The following BMP1 variants were observed in gnomAD, a reference collection of about 807,000 sequenced individuals.
BMP1 encodes the protein mammalian tolloid protein.
Under a neutral mutation model 116.8 loss-of-function variants are expected in BMP1, and 63 were observed. The observed-to-expected ratio is 0.54, with a 90% CI of 0.44 to 0.67. The LOEUF is 0.67. Ranked by LOEUF, BMP1 falls within the 30% of genes least tolerant of loss-of-function variation. The pLI is 0.00. For missense variants in BMP1, 1,183 were observed against 1,358.9 expected, an observed-to-expected ratio of 0.87 and a Z score of 2.04; for synonymous variants, 536 against 533.4, an observed-to-expected ratio of 1.00 and a Z score of -0.07.
At chr8:22,210,604 G>C (rs1829447239) in intron 19 of BMP1, among the ~76,000 whole-genome samples, 1 of 152,158 alleles carries the variant, frequency 6.6e-6, no homozygotes, top group Non-Finnish European at 1.5e-5. Context: ...AAGGGTTAAA[G>C]CTCCTGGAAG....
At chr8:22,205,145 C>T (rs1032578236) in intron 16 of BMP1, among the ~76,000 whole-genome samples, 2 of 152,100 alleles carry the variant, frequency 1.3e-5, no homozygotes, top group African/African-American at 4.8e-5. Flanking sequence ...TGGTGGAAGG[C>T]CCTGGCTTTG....
At chr8:22,169,302 A>T (rs952391542) in intron 1 of BMP1, 2 of 151,998 alleles carry the variant, frequency 1.3e-5, no homozygotes, top group Non-Finnish European at 2.9e-5. Context: ...GATCCAAGGG[A>T]GTCAGCTAAT....
intron 15 of BMP1, chr8:22,201,007 C>T: frequency 2.0e-6 from 1 of 489,684 alleles, no homozygotes; most frequent in Non-Finnish European, 3.6e-6. Context: ...CACCCTGCCC[C>T]TCAGATCCAC....
At chr8:22,198,762 C>A in intron 15 of BMP1, 1 of 241,948 alleles carries the variant, frequency 4.1e-6, no homozygotes, top group Non-Finnish European at 7.6e-6. Flanking sequence ...CATGCACCTG[C>A]CCCTGCACTG....
At position 22,179,776 on chromosome 8, in the gene BMP1, C is replaced by T; in HGVS notation, c.908C>T (p.Thr303Ile). 3 of 1,614,084 alleles carry T rather than the reference C, an allele frequency of 1.9e-6. No individual in the cohort carries two copies. The highest frequency in any genetic ancestry group is 2.5e-6 in the Non-Finnish European group (3 of 1,179,990). ...GTGAAACCTCCCATTGGCCAAAGGA[C>T]ACGGCTCAGCAAGGGGGACATTGCC... Reference protein sequence around the residue: ...NGVKPPIGQRTRLSKGDIAQA... With the variant: ...NGVKPPIGQRIRLSKGDIAQA... Residue 303 changes from threonine (T) to isoleucine (I), a missense_variant, in exon 7 of 20, where the codon ACA becomes ATA. Physicochemically the swap from Thr to Ile is moderately conservative, Grantham distance 89 (BLOSUM62 -1). Around this residue, in one of 4 missense-constraint regions of BMP1, gnomAD observed 956 missense variants for 1,135.2 expected, o/e 0.84. Transcript: ENST00000306385. This position sits in a 1 kb window ranked among gnomAD's most constrained non-coding sequence, Gnocchi z 4.6.
chr8:22,176,674 G>C (rs764038803), intron 4 of BMP1, 24 bp downstream of exon 4: 6 of 1,610,910 alleles, frequency 3.7e-6, no homozygotes, highest in African/African-American at 2.7e-5. Flanking sequence ...CCTAGGCGCT[G>C]TACCTTCCGC....
intron 16 of BMP1, among the ~76,000 whole-genome samples, chr8:22,204,727 C>CCCCCCCCCCCCCCCCCCCCA (rs1554487547): frequency 7.2e-6 from 1 of 139,640 alleles, no homozygotes; most frequent in Non-Finnish European, 1.6e-5. Context: ...TGTCCCCCCC[C>CCCCCCCCCCCCCCCCCCCCA]ACCCCGCCCG....
intron 15 of BMP1, chr8:22,201,576 C>G: frequency 7.9e-6 from 11 of 1,397,254 alleles, no homozygotes; most frequent in Non-Finnish European, 1.0e-5. Flanking sequence ...CCCCCATCCT[C>G]CTCTCCCCAC....
rs149003237 is a variant in BMP1 at position 22,165,882 on chromosome 8, CGTGTGT to C, written c.148+368_148+373del. ...TTTTCTGGCCAAACTCCTGTGCGTG[CGTGTGT>C]GTGTGTGTGTGTGTGTGTGTGTGTG... On this transcript the variant is annotated intron_variant, in intron 1 of 19. Transcript: ENST00000306385. Among the ~76,000 whole-genome samples the C allele has an allele frequency of 7.7e-3, 1,014 of 131,412 alleles. 7 individuals carry two copies. Among genetic ancestry groups the C allele is most frequent in the African/African-American group, 0.018 (634 of 34,700 alleles). The allele number at this position is 131,412 out of a possible 152,430, so 86.2% of individuals were successfully genotyped here.
intron 16 of BMP1, among the ~76,000 whole-genome samples, chr8:22,203,111 C>G (rs1829294540): frequency 6.6e-6 from 1 of 152,246 alleles, no homozygotes; most frequent in Admixed American, 6.5e-5. Flanking sequence ...CAGGCCCGCT[C>G]TAAGTCAGGG....
At chr8:22,190,511 G>A (rs961548751) in intron 8 of BMP1, among the ~76,000 whole-genome samples, 33 of 152,314 alleles carry the variant, frequency 2.2e-4, no homozygotes, top group Middle Eastern at 6.8e-3. Flanking sequence ...TGAGATTATG[G>A]AGGGGCAGAC....
chr8:22,171,841 G>A (rs1011438474), intron 1 of BMP1: 1 of 152,168 alleles, frequency 6.6e-6, no homozygotes, highest in Non-Finnish European at 1.5e-5. Flanking sequence ...GTGTCTCTGG[G>A]CATGTATTTG....
intron 8 of BMP1, among the ~76,000 whole-genome samples, chr8:22,181,172 A>G (rs1003083510): frequency 2.0e-5 from 3 of 151,862 alleles, no homozygotes; most frequent in South Asian, 2.1e-4. Context: ...CTGGCACTCT[A>G]TTTCTCCTCC....
At chr8:22,199,845 C>T (rs1462438968) in intron 15 of BMP1, among the ~76,000 whole-genome samples, 1 of 152,178 alleles carries the variant, frequency 6.6e-6, no homozygotes, top group Admixed American at 6.5e-5. Context: ...GAGCAAGAAA[C>T]CTTGGGAAGG....
In BMP1 at chr8:22,207,315, A is replaced by T; in HGVS notation, c.2374A>T (p.Met792Leu). The change falls in exon 18 of 20, where the codon ATG becomes TTG. Residue 792 changes from methionine (M) to leucine (L), a missense_variant. Transcript: ENST00000306385. ...CTCATCCCCCTAGACCTTCATGGAG[A>T]TGGACATCGAGTCCCAGCCTGAGTG... ...GHRVKLTFME[M>L]DIESQPECAY... is the part of the protein sequence containing the mutation. 1 of 1,612,536 alleles carries T rather than the reference A, an allele frequency of 6.2e-7. No individual in the cohort carries two copies. Among genetic ancestry groups the T allele is most frequent in the African/African-American group, 1.3e-5 (1 of 74,966 alleles).
chr8:22,205,890 A>G lies in BMP1; in HGVS notation c.2234-964A>G, dbSNP rs181854818. ...GAGGGGTGATGTGTTTGTGATGTGA[A>G]GAAACAGTGGATGATGACAAAGCCC... On this transcript the variant is annotated intron_variant, in intron 16 of 19. Coordinates refer to ENST00000306385, the MANE Select transcript of BMP1 (RefSeq NM_006129.5). Among the ~76,000 whole-genome samples, 577 of 152,332 alleles carry G rather than the reference A, an allele frequency of 3.8e-3. 3 individuals carry two copies. The highest frequency in any genetic ancestry group is 5.7e-3 in the Non-Finnish European group (387 of 68,038).
At chr8:22,169,473 T>A (rs749300474) in intron 1 of BMP1, 7 of 152,220 alleles carry the variant, frequency 4.6e-5, no homozygotes, top group Non-Finnish European at 1.0e-4. Context: ...GGGGAAGTGG[T>A]TGAGTGTGTG....
At chr8:22,204,183 C>A (rs569171103) in intron 16 of BMP1, among the ~76,000 whole-genome samples, 1 of 152,078 alleles carries the variant, frequency 6.6e-6, no homozygotes, top group Non-Finnish European at 1.5e-5. Flanking sequence ...AAGGCCAGAG[C>A]GCAAAGAGGG....
chr8:22,182,288 G>A (rs1472843965), intron 8 of BMP1, among the ~76,000 whole-genome samples: 1 of 152,130 alleles, frequency 6.6e-6, no homozygotes, highest in African/African-American at 2.4e-5. Flanking sequence ...TGACTTCTAG[G>A]TCTTCGTCCT....
Sources: gnomAD v4.1 joint callset for allele counts (sites outside exome capture counted in the v4.1 genomes callset) on GRCh38, gnomAD v4.1.1 for gene constraint, gnomAD v4.1.1 regional missense constraint, Gnocchi (gnomAD v3.1) non-coding constraint, MANE v1.5 for transcripts, NCBI Gene and HGNC (gene_info 2026-07-23, HGNC 2026-07-21) for gene names.